OSBPL3: variants seen among roughly 807,000 people sequenced by gnomAD.
The protein encoded by OSBPL3 is oxysterol-binding protein-related protein 3.
Under a neutral mutation model 120.1 loss-of-function variants are expected in OSBPL3, and 65 were observed. The observed-to-expected ratio is 0.54, with a 90% CI of 0.44 to 0.67. OSBPL3 has a LOEUF of 0.67. Ranked by LOEUF, OSBPL3 falls within the 30% of genes least tolerant of loss-of-function variation. OSBPL3 has a pLI of 0.00. For synonymous variants in OSBPL3, 416 were observed against 402.6 expected (o/e 1.03, Z -0.40); for missense variants, 1,004 against 1,082.1 (o/e 0.93, Z 1.01).
chr7:24,821,227 A>G lies in OSBPL3; in HGVS notation c.1885-989T>C, dbSNP rs1054524337. Among the ~76,000 whole-genome samples the G allele has an allele frequency of 6.6e-6, 1 of 152,252 alleles. No individual in the cohort carries two copies. Among genetic ancestry groups the G allele is most frequent in the Non-Finnish European group, 1.5e-5 (1 of 68,040 alleles). ...CTGCACCTTATAAACGAAGAGACTG[A>G]AACCAGAAAGATAAAGTAACATTTC... On this transcript the variant is annotated intron_variant, in intron 16 of 22. Transcript: ENST00000313367. The surrounding 1 kb of genome is among the most constrained non-coding windows in gnomAD (Gnocchi z 5.5).
chr7:24,850,885 C>T (rs1799067139), intron 11 of OSBPL3, among the ~76,000 whole-genome samples: 1 of 152,204 alleles, frequency 6.6e-6, no homozygotes, highest in Admixed American at 6.5e-5. Flanking sequence ...AAGTCTTAAA[C>T]CCCAATTGTG....
At chr7:24,842,484 A>G in intron 12 of OSBPL3, 71 bp from the exon 13 acceptor site, 1 of 1,218,608 alleles carries the variant, frequency 8.2e-7, no homozygotes, top group South Asian at 1.3e-5. Flanking sequence ...TAAATGATTT[A>G]GTTGTACAAT....
At chr7:24,861,521 C>T (rs1267487135) in intron 10 of OSBPL3, 92 bp downstream of exon 10, 1 of 776,008 alleles carries the variant, frequency 1.3e-6, no homozygotes, top group Admixed American at 2.8e-5. Flanking sequence ...GAAAATGAAC[C>T]AACTAAGATA....
chr7:24,842,008 G>C (rs1168388118), intron 13 of OSBPL3, among the ~76,000 whole-genome samples: 2 of 149,208 alleles, frequency 1.3e-5, no homozygotes, highest in East Asian at 3.9e-4. Context: ...GCGAGGCTCT[G>C]TTTAAAAAAA....
chr7:24,915,425 C>T (rs145843692), intron 1 of OSBPL3, among the ~76,000 whole-genome samples: 1 of 152,078 alleles, frequency 6.6e-6, no homozygotes, highest in African/African-American at 2.4e-5. Context: ...CTTTAGAAGA[C>T]AGTTTGGCAA....
At position 24,804,874 on chromosome 7, in the gene OSBPL3, A is replaced by AT. The variant is rs1792836189; in HGVS notation, c.2445-438dup. On this transcript the variant is annotated intron_variant, in intron 21 of 22. Coordinates refer to ENST00000313367, the MANE Select transcript of OSBPL3 (RefSeq NM_015550.4). The surrounding 1 kb of genome is among the most constrained non-coding windows in gnomAD (Gnocchi z 5.4). ...ATCCCTTGATTTTTGGTTTTGGTTT[A>AT]TTTTTTATTTAACAATATATCTTAC... 6.6e-6 allele frequency among the ~76,000 whole-genome samples: 1 copy of AT among 151,972 alleles called. No individual in the cohort carries two copies. Among genetic ancestry groups the AT allele is most frequent in the Admixed American group, 6.6e-5 (1 of 15,260 alleles).
In OSBPL3 at chr7:24,849,725, G is replaced by A. The variant is rs575778491; in HGVS notation, c.1159-549C>T. Among the ~76,000 whole-genome samples the A allele has an allele frequency of 1.3e-5, 2 of 152,200 alleles. No individual in the cohort carries two copies. Among genetic ancestry groups the A allele is most frequent in the East Asian group, 1.9e-4 (1 of 5,178 alleles). On this transcript the variant is annotated intron_variant, in intron 11 of 22. Transcript: ENST00000313367. This position sits in a 1 kb window ranked among gnomAD's most constrained non-coding sequence, Gnocchi z 5.4. ...TTCCAGCACTTTGGGAGGTGGAGGCGGGCAGATTACTTGAGGTCAGGAGTT... is the reference window on the plus strand; with the variant it reads ...TTCCAGCACTTTGGGAGGTGGAGGCAGGCAGATTACTTGAGGTCAGGAGTT...
chr7:24,938,708 AC>A lies in OSBPL3; in HGVS notation c.-150+41177del, dbSNP rs1812705374. Among the ~76,000 whole-genome samples the A allele has an allele frequency of 6.6e-6, 1 of 152,000 alleles. No individual in the cohort carries two copies. Among genetic ancestry groups the A allele is most frequent in the Non-Finnish European group, 1.5e-5 (1 of 68,010 alleles). Reference sequence around the variant, plus strand: ...CCCATACAATACTCCTAAATAACATACACAGGCAAGACCTTAGTCACACGGC... The same window carrying A: ...CCCATACAATACTCCTAAATAACATAACAGGCAAGACCTTAGTCACACGGC... On this transcript the variant is annotated intron_variant, in intron 1 of 22. Coordinates refer to ENST00000313367, the MANE Select transcript of OSBPL3 (RefSeq NM_015550.4). The surrounding 1 kb of genome is among the most constrained non-coding windows in gnomAD (Gnocchi z 5.8).
chr7:24,923,326 G>A lies in OSBPL3; in HGVS notation c.-149-30705C>T, dbSNP rs571596214. ...ACTCTCAGGGTGAATCAGCATCCAG[G>A]TCTGTGCCTCATGTCTCCCTGTCCA... On this transcript the variant is annotated intron_variant, in intron 1 of 22. Coordinates refer to ENST00000313367, the MANE Select transcript of OSBPL3 (RefSeq NM_015550.4). Among the ~76,000 whole-genome samples the A allele has an allele frequency of 4.3e-4, 66 of 152,266 alleles. 1 individual carries two copies. The South Asian group carries it at 0.011, about 26-fold the overall frequency.
chr7:24,965,098 T>C lies in OSBPL3; in HGVS notation c.-150+14788A>G, dbSNP rs538638515. 1.3e-5 allele frequency among the ~76,000 whole-genome samples: 2 copies of C among 152,368 alleles called. No homozygotes were observed. Among genetic ancestry groups the C allele is most frequent in the African/African-American group, 4.8e-5 (2 of 41,598 alleles). On this transcript the variant is annotated intron_variant, in intron 1 of 22. Coordinates refer to ENST00000313367, the MANE Select transcript of OSBPL3 (RefSeq NM_015550.4). The surrounding 1 kb of genome is among the most constrained non-coding windows in gnomAD (Gnocchi z 4.3). Reference sequence around the variant, plus strand: ...GTTATGGAAACCATTCATTCATTTATTCAACAATAAGTATGTGCTCTGTAT... The same window carrying C: ...GTTATGGAAACCATTCATTCATTTACTCAACAATAAGTATGTGCTCTGTAT...
rs1238304346 is a variant in OSBPL3, at chr7:24,873,994, A to G, written c.97-1925T>C. 6.6e-6 allele frequency among the ~76,000 whole-genome samples: 1 copy of G among 152,202 alleles called. No homozygotes were observed. The highest frequency in any genetic ancestry group is 6.5e-5 in the Admixed American group (1 of 15,278). On this transcript the variant is annotated intron_variant, in intron 2 of 22. Coordinates refer to ENST00000313367, the MANE Select transcript of OSBPL3 (RefSeq NM_015550.4). This position sits in a 1 kb window ranked among gnomAD's most constrained non-coding sequence, Gnocchi z 4.1. ...TGCGGTTTTATCATCCCTGCTGGAC[A>G]GCAGGCTCCTTGAGGGTATAAAGGG...
At chr7:24,976,057 CA>C (rs909428072) in intron 1 of OSBPL3, among the ~76,000 whole-genome samples, 2 of 152,138 alleles carry the variant, frequency 1.3e-5, no homozygotes, top group Non-Finnish European at 2.9e-5. Context: ...AATCTATATG[CA>C]AATAAGTAGA....
intron 10 of OSBPL3, among the ~76,000 whole-genome samples, chr7:24,856,832 C>G (rs905673655): frequency 2.0e-5 from 3 of 152,182 alleles, no homozygotes; most frequent in African/African-American, 4.8e-5. Flanking sequence ...ATCTGGGACA[C>G]TCTGATCTTC....
rs140070179 is a variant in OSBPL3 at position 24,883,515 on chromosome 7, G to A, written c.96+8862C>T. Among the ~76,000 whole-genome samples, 644 of 152,244 alleles carry A rather than the reference G, an allele frequency of 4.2e-3. 1 individual carries two copies. The highest frequency in any genetic ancestry group is 7.0e-3 in the Non-Finnish European group (478 of 68,008). ...GCTCTCAACCAGAGCATCTGGGCCA[G>A]GGTTCTGCCTTCCTGTATCTTAAAT... On this transcript the variant is annotated intron_variant, in intron 2 of 22. Transcript: ENST00000313367. The surrounding 1 kb of genome is among the most constrained non-coding windows in gnomAD (Gnocchi z 5.4).
At chr7:24,892,705 C>T (rs1157805507) in intron 1 of OSBPL3, 84 bp from the exon 2 acceptor site, 1 of 982,706 alleles carries the variant, frequency 1.0e-6, no homozygotes, top group Non-Finnish European at 1.3e-6. Context: ...GTGGCTTAAA[C>T]ATACTACAGA....
At chr7:24,905,868 C>T (rs1004069575) in intron 1 of OSBPL3, among the ~76,000 whole-genome samples, 21 of 152,162 alleles carry the variant, frequency 1.4e-4, no homozygotes, top group African/African-American at 4.8e-4. Context: ...CCTGTCTCTA[C>T]TAAAAATACA....
rs764459101 is a variant in OSBPL3, at chr7:24,806,086, A to G, written c.2444+690T>C. Reference sequence around the variant, plus strand: ...ATTCTCGTGCCTCAGCCTCCCAAGTAGTTGGGACTACGGGCATGTGCCACC... The same window carrying G: ...ATTCTCGTGCCTCAGCCTCCCAAGTGGTTGGGACTACGGGCATGTGCCACC... On this transcript the variant is annotated intron_variant, in intron 21 of 22. Coordinates refer to ENST00000313367, the MANE Select transcript of OSBPL3 (RefSeq NM_015550.4). This position sits in a 1 kb window ranked among gnomAD's most constrained non-coding sequence, Gnocchi z 5.2. Among the ~76,000 whole-genome samples the G allele has an allele frequency of 3.9e-5, 6 of 152,138 alleles. No homozygotes were observed. The highest frequency in any genetic ancestry group is 6.5e-5 in the Admixed American group (1 of 15,284).
intron 1 of OSBPL3, among the ~76,000 whole-genome samples, chr7:24,895,915 GCAAA>G (rs1806066424): frequency 6.6e-6 from 1 of 152,172 alleles, no homozygotes; most frequent in Non-Finnish European, 1.5e-5. Context: ...TGTTACACTT[GCAAA>G]TACTCATATA....
At position 24,851,193 on chromosome 7, in the gene OSBPL3, A is replaced by C. The variant is rs1271232967; in HGVS notation, c.1158+1311T>G. On this transcript the variant is annotated intron_variant, in intron 11 of 22. Transcript: ENST00000313367. The surrounding 1 kb of genome is among the most constrained non-coding windows in gnomAD (Gnocchi z 4.1). ...GAGAACAATAAGAAAGTTAGGGAAA[A>C]AAAACAAAAACACTTTGCTTCTGCT... Among the ~76,000 whole-genome samples the C allele has an allele frequency of 6.6e-6, 1 of 152,250 alleles. No individual in the cohort carries two copies. Among genetic ancestry groups the C allele is most frequent in the Non-Finnish European group, 1.5e-5 (1 of 68,050 alleles).
Sources: allele counts gnomAD v4.1 joint callset (sites outside exome capture counted in the v4.1 genomes callset), GRCh38; gene constraint gnomAD v4.1.1; non-coding constraint Gnocchi (gnomAD v3.1); transcripts MANE v1.5; gene names NCBI Gene and HGNC (gene_info 2026-07-23, HGNC 2026-07-21).